The following PYHIN1 variants were observed in gnomAD, a reference collection of about 807,000 sequenced individuals.
The protein encoded by PYHIN1 is pyrin and HIN domain-containing protein 1.
Under a neutral mutation model 43.7 loss-of-function variants are expected in PYHIN1, and 32 were observed. The observed-to-expected ratio is 0.73, with a 90% CI of 0.55 to 0.98. The LOEUF (loss-of-function observed/expected upper bound fraction) is 0.98. Ranked by LOEUF, PYHIN1 falls within the 50% of genes least tolerant of loss-of-function variation. The pLI, the probability that PYHIN1 is intolerant of heterozygous loss-of-function variation, is 0.00. For synonymous variants in PYHIN1, 205 were observed against 203.1 expected (o/e 1.01, Z -0.08); for missense variants, 588 against 589.5 (o/e 1.00, Z 0.03).
chr1:158,934,143 T>C (rs1321704042), intron 1 of PYHIN1, among the ~76,000 whole-genome samples: 1 of 152,200 alleles, frequency 6.6e-6, no homozygotes, highest in Non-Finnish European at 1.5e-5. Flanking sequence ...TGGAGGTTTA[T>C]AAAGATTACT....
chr1:158,940,635 G>A (rs1382269098), intron 4 of PYHIN1, among the ~76,000 whole-genome samples: 3 of 152,018 alleles, frequency 2.0e-5, no homozygotes, highest in African/African-American at 7.2e-5. Flanking sequence ...CACAATAAAG[G>A]GGATCAATTA....
At chr1:158,952,765 CA>C (rs147315987) in intron 7 of PYHIN1, among the ~76,000 whole-genome samples, 1,588 of 152,300 alleles carry the variant, frequency 0.01, 36 homozygotes, top group African/African-American at 0.037. Context: ...GATGGCCGAA[CA>C]GGAATAGCTC....
chr1:158,964,671 T>C (rs1035889647), intron 7 of PYHIN1, among the ~76,000 whole-genome samples: 1 of 152,172 alleles, frequency 6.6e-6, no homozygotes, highest in African/African-American at 2.4e-5. Context: ...GAGATCCTTT[T>C]CAGACAAGCA....
rs1772397 is a variant in PYHIN1 at position 158,933,969 on chromosome 1, T to A, written c.-21+2193T>A. ...TGTGTGCATCTTTGTCTGGAAAAAC[T>A]ACTGAGGCCTTCAGGTTCAGAGAAT... On this transcript the variant is annotated intron_variant, in intron 1 of 8. Coordinates refer to ENST00000368140, the MANE Select transcript of PYHIN1 (RefSeq NM_152501.5). This position sits in a 1 kb window ranked among gnomAD's most constrained non-coding sequence, Gnocchi z 6.3. Among the ~76,000 whole-genome samples, 2 of 151,976 alleles carry A rather than the reference T, an allele frequency of 1.3e-5. No homozygotes were observed. Among genetic ancestry groups the A allele is most frequent in the Non-Finnish European group, 2.9e-5 (2 of 67,996 alleles).
At chr1:158,961,150 C>T (rs1312268464) in intron 7 of PYHIN1, among the ~76,000 whole-genome samples, 2 of 152,116 alleles carry the variant, frequency 1.3e-5, no homozygotes, top group South Asian at 2.1e-4. Flanking sequence ...TATATTATCA[C>T]ATCTCTTTTT....
intron 7 of PYHIN1, among the ~76,000 whole-genome samples, chr1:158,954,269 C>T (rs1102004): frequency 0.71 from 29,659 of 41,672 alleles, 11,260 homozygotes; most frequent in East Asian, 0.98. Context: ...AGATACTCCT[C>T]GAGAAGAGCA....
At chr1:158,951,565 C>T (rs942756854) in intron 7 of PYHIN1, among the ~76,000 whole-genome samples, 3 of 152,124 alleles carry the variant, frequency 2.0e-5, no homozygotes, top group African/African-American at 7.2e-5. Context: ...TACGTGGTCT[C>T]CACCAGACTA....
At chr1:158,987,205 C>T in the PYHIN1 span, among the ~76,000 whole-genome samples, 1 of 152,140 alleles carries the variant, frequency 6.6e-6, no homozygotes, top group Non-Finnish European at 1.5e-5. Context: ...CCTAATTTCT[C>T]CACAACCTCA....
At chr1:158,960,758 G>A (rs188074455) in intron 7 of PYHIN1, among the ~76,000 whole-genome samples, 44 of 152,294 alleles carry the variant, frequency 2.9e-4, no homozygotes, top group Non-Finnish European at 5.0e-4. Flanking sequence ...CAGGACCAGG[G>A]ATGGTAAGGA....
At chr1:158,983,373 C>G in the PYHIN1 span, among the ~76,000 whole-genome samples, 2 of 151,860 alleles carry the variant, frequency 1.3e-5, no homozygotes, top group African/African-American at 4.8e-5. Context: ...TTATTGAAAC[C>G]TTTTCTGCAT....
At chr1:158,957,926 C>T (rs1250112909) in intron 7 of PYHIN1, among the ~76,000 whole-genome samples, 1 of 151,722 alleles carries the variant, frequency 6.6e-6, no homozygotes, top group Non-Finnish European at 1.5e-5. Flanking sequence ...ACAAACAACC[C>T]CATCAGAAAG....
chr1:158,976,397 C>T (rs936916922), intron 8 of PYHIN1, among the ~76,000 whole-genome samples: 1 of 151,986 alleles, frequency 6.6e-6, no homozygotes, highest in African/African-American at 2.4e-5. Flanking sequence ...TCCCTTTAGC[C>T]CTTGTCGTTG....
At chr1:158,959,433 T>C (rs1650195521) in intron 7 of PYHIN1, among the ~76,000 whole-genome samples, 1 of 152,194 alleles carries the variant, frequency 6.6e-6, no homozygotes, top group Admixed American at 6.5e-5. Context: ...GATCAAAAGT[T>C]GGCCTTAAGA....
intron 8 of PYHIN1, among the ~76,000 whole-genome samples, chr1:158,975,091 C>T (rs935225292): frequency 1.3e-5 from 2 of 151,992 alleles, no homozygotes; most frequent in Non-Finnish European, 2.9e-5. Flanking sequence ...GTCTCCTACA[C>T]CTAACCTCCC....
At chr1:158,932,640 A>G (rs1307741359) in intron 1 of PYHIN1, among the ~76,000 whole-genome samples, 1 of 152,222 alleles carries the variant, frequency 6.6e-6, no homozygotes, top group Non-Finnish European at 1.5e-5. Flanking sequence ...AAGTGCAAAC[A>G]CATAGTAGAA....
chr1:158,956,418 T>C (rs1331089230), intron 7 of PYHIN1, among the ~76,000 whole-genome samples: 28 of 152,126 alleles, frequency 1.8e-4, no homozygotes, highest in African/African-American at 6.0e-4. Context: ...ATCAAGTGGG[T>C]TTCATCCCTG....
At chr1:158,953,700 T>C (rs1649732488) in intron 7 of PYHIN1, among the ~76,000 whole-genome samples, 1 of 152,134 alleles carries the variant, frequency 6.6e-6, no homozygotes, top group Admixed American at 6.5e-5. Context: ...GTGCCTCTCC[T>C]CCTCCAAAGA....
In PYHIN1 at chr1:158,950,619, T is replaced by A. The variant is rs373480957; in HGVS notation, c.1359+5577T>A. ...ACTGAAGGTTTTATGCCTAGAGAGG[T>A]TTCAGCAAAGTGCTTTTCTACAGCT... On this transcript the variant is annotated intron_variant, in intron 7 of 8. Transcript: ENST00000368140. 5.3e-5 allele frequency among the ~76,000 whole-genome samples: 8 copies of A among 152,130 alleles called. No individual in the cohort carries two copies. The East Asian group carries it at 1.2e-3, about 22-fold the overall frequency.
At chr1:158,950,240 T>C (rs185864149) in intron 7 of PYHIN1, among the ~76,000 whole-genome samples, 1 of 152,198 alleles carries the variant, frequency 6.6e-6, no homozygotes, top group Admixed American at 6.5e-5. Context: ...CTAAGTGATT[T>C]GCAATGTACA....
Sources: gnomAD v4.1 joint callset for allele counts (sites outside exome capture counted in the v4.1 genomes callset) on GRCh38, gnomAD v4.1.1 for gene constraint, Gnocchi (gnomAD v3.1) non-coding constraint, MANE v1.5 for transcripts, NCBI Gene and HGNC (gene_info 2026-07-23, HGNC 2026-07-21) for gene names.